Variants in ELN observed in about 807,000 individuals in gnomAD.
The protein encoded by ELN is elastin.
Under a neutral mutation model 105.8 loss-of-function variants are expected in ELN, and 65 were observed. The observed-to-expected ratio is 0.61, with a 90% CI of 0.50 to 0.75. The LOEUF (loss-of-function observed/expected upper bound fraction) is 0.75. Ranked by LOEUF, ELN falls within the 30% of genes least tolerant of loss-of-function variation. The pLI is 0.00. For synonymous variants in ELN, 368 were observed against 389.2 expected (o/e 0.95, Z 0.64); for missense variants, 882 against 969.4 (o/e 0.91, Z 1.20).
intron 29 of ELN, among the ~76,000 whole-genome samples, chr7:74,064,937 G>A (rs1164661341): frequency 2.0e-5 from 3 of 152,072 alleles, no homozygotes; most frequent in Non-Finnish European, 4.4e-5. Context: ...CACAGTAGGA[G>A]CTTAACAATT....
chr7:74,058,241 TC>T (rs1795788040), intron 22 of ELN, among the ~76,000 whole-genome samples: 2 of 110,358 alleles, frequency 1.8e-5, no homozygotes, highest in South Asian at 5.5e-4. Context: ...TTCCTCTTTT[TC>T]TCCTTCTTTC....
At position 74,068,919 on chromosome 7, in the gene ELN, A is replaced by T. The variant is rs1368421244; in HGVS notation, c.*219A>T. The T allele has an allele frequency of 6.4e-5, 39 of 608,746 alleles. No homozygotes were observed. Among genetic ancestry groups the T allele is most frequent in the Non-Finnish European group, 1.1e-4 (37 of 338,162 alleles). 37.7% of individuals were successfully genotyped at this position (608,746 alleles called of 1,614,324 possible). ...GCCCCCTACTTCAGAGGCAAGGGCC[A>T]TGTGGTCCTGGCCCCCCACCCCATC... is the stretch of plus-strand genomic sequence containing the variant. On this transcript the variant is annotated 3_prime_UTR_variant, in exon 33 of 33. Coordinates refer to ENST00000252034, the MANE Select transcript of ELN (RefSeq NM_000501.4).
chr7:74,059,369 G>T (rs777495079), intron 22 of ELN, among the ~76,000 whole-genome samples: 4 of 152,044 alleles, frequency 2.6e-5, no homozygotes, highest in Non-Finnish European at 5.9e-5. Context: ...TCTCCAAGGG[G>T]TCCTTGTCAC....
chr7:74,030,635 T>G (rs918699329), intron 1 of ELN, among the ~76,000 whole-genome samples: 1 of 152,040 alleles, frequency 6.6e-6, no homozygotes, highest in South Asian at 2.1e-4. Flanking sequence ...TGGGCTCAAG[T>G]GATCCTCCCA....
At chr7:74,058,856 A>G (rs1268666102) in intron 22 of ELN, among the ~76,000 whole-genome samples, 8 of 152,188 alleles carry the variant, frequency 5.3e-5, no homozygotes, top group African/African-American at 1.7e-4. Flanking sequence ...AATCTCTAGG[A>G]CTGAATAGGC....
At chr7:74,054,291 A>G (rs1794782770) in intron 18 of ELN, among the ~76,000 whole-genome samples, 1 of 152,056 alleles carries the variant, frequency 6.6e-6, no homozygotes, top group Non-Finnish European at 1.5e-5. Flanking sequence ...AATATGGTGA[A>G]ATCCCATCTC....
chr7:74,068,917 C>A lies in ELN; in HGVS notation c.*217C>A. 1.6e-6 allele frequency: 1 copy of A among 610,654 alleles called. No homozygotes were observed. Among genetic ancestry groups the A allele is most frequent in the East Asian group, 2.8e-5 (1 of 35,256 alleles). 37.8% of individuals were successfully genotyped at this position (610,654 alleles called of 1,614,324 possible). Reference sequence around the variant, plus strand: ...AGGCCCCCTACTTCAGAGGCAAGGGCCATGTGGTCCTGGCCCCCCACCCCA... The same window carrying A: ...AGGCCCCCTACTTCAGAGGCAAGGGACATGTGGTCCTGGCCCCCCACCCCA... On this transcript the variant is annotated 3_prime_UTR_variant, in exon 33 of 33. Coordinates refer to ENST00000252034, the MANE Select transcript of ELN (RefSeq NM_000501.4).
At chr7:74,046,962 T>C (rs542720473) in intron 12 of ELN, among the ~76,000 whole-genome samples, 195 bp downstream of exon 12, 58 of 152,286 alleles carry the variant, frequency 3.8e-4, no homozygotes, top group African/African-American at 1.2e-3. Flanking sequence ...CATAGGCCTA[T>C]AATCCCAGCT....
intron 17 of ELN, 137 bp downstream of exon 17, chr7:74,052,120 C>A: frequency 1.1e-6 from 1 of 923,632 alleles, no homozygotes; most frequent in Non-Finnish European, 1.7e-6. Context: ...ACCTTTGCCC[C>A]TTCTGATCAC....
chr7:74,037,479 CCA>C, intron 3 of ELN, among the ~76,000 whole-genome samples: 1 of 152,338 alleles, frequency 6.6e-6, no homozygotes, highest in Non-Finnish European at 1.5e-5. Context: ...CAGGCGTGAG[CCA>C]CCACCCCCAG....
intron 32 of ELN, among the ~76,000 whole-genome samples, chr7:74,068,090 A>C (rs1554690237): frequency 1.3e-5 from 2 of 152,096 alleles, no homozygotes; most frequent in African/African-American, 4.8e-5. Flanking sequence ...ATGGTGCCTT[A>C]CCTAATACAG....
At chr7:74,043,704 C>A in intron 8 of ELN, 175 bp from the exon 9 acceptor site, 1 of 766,148 alleles carries the variant, frequency 1.3e-6, no homozygotes. Flanking sequence ...TTGCAGATGA[C>A]TTCCGAAACT....
intron 21 of ELN, among the ~76,000 whole-genome samples, chr7:74,057,002 C>T (rs1795388332): frequency 6.6e-6 from 1 of 152,010 alleles, no homozygotes; most frequent in Non-Finnish European, 1.5e-5. Context: ...CTTTGGGAGG[C>T]CAAGGCAGGT....
rs797042458 is a variant in ELN, at chr7:74,037,006, A to G, written c.163+422A>G. On this transcript the variant is annotated intron_variant, in intron 3 of 32. Transcript: ENST00000252034. ...CAGCTTATTTTTGTATTTTTTCTAG[A>G]GACAGGGTTTCATCATGTTGGCCAG... Among the ~76,000 whole-genome samples the G allele has an allele frequency of 1.1e-4, 16 of 151,660 alleles. 1 individual carries two copies. Among genetic ancestry groups the G allele is most frequent in the African/African-American group, 3.9e-4 (16 of 41,330 alleles).
intron 15 of ELN, among the ~76,000 whole-genome samples, chr7:74,049,027 T>G (rs1405436259): frequency 4.2e-5 from 6 of 142,310 alleles, no homozygotes; most frequent in Non-Finnish European, 7.6e-5. Flanking sequence ...ATCCACTCAT[T>G]CATCCATCCA....
chr7:74,058,594 G>A (rs189823246), intron 22 of ELN, among the ~76,000 whole-genome samples: 53 of 152,184 alleles, frequency 3.5e-4, no homozygotes, highest in Non-Finnish European at 5.7e-4. Flanking sequence ...AGGCTAAAGC[G>A]ATCCTCCTGC....
chr7:74,048,143 C>T lies in ELN; in HGVS notation c.687C>T (p.Gly229=). 4 of 1,614,020 alleles carry T rather than the reference C, an allele frequency of 2.5e-6. No individual in the cohort carries two copies. Among genetic ancestry groups the T allele is most frequent in the Non-Finnish European group, 2.5e-6 (3 of 1,179,972 alleles). ...CCATCAAGCCTCTCTGTTTTGCAGG[C>T]TATGGGCCCGGAGGAGTGGCTGGTG... ...LPYTTGKLPY[G]YGPGGVAGAA... The change falls in exon 14 of 33, where the codon GGC becomes GGT. Residue 229 remains glycine (G), a splice_region_variant and synonymous_variant. Transcript: ENST00000252034.
At position 74,030,160 on chromosome 7, in the gene ELN, G is replaced by A. The variant is rs1286048354; in HGVS notation, c.82+1891G>A. 5.3e-5 allele frequency among the ~76,000 whole-genome samples: 8 copies of A among 152,228 alleles called. No homozygotes were observed. In the East Asian group the frequency reaches 5.8e-4, roughly 11 times the overall value. On this transcript the variant is annotated intron_variant, in intron 1 of 32. Coordinates refer to ENST00000252034, the MANE Select transcript of ELN (RefSeq NM_000501.4). ...AAGGGGTGTGTGAACTGATGAGCTC[G>A]TGTGGGGTTTTGCACAGAAGTGCTA...
At chr7:74,048,260 G>A in intron 14 of ELN, 59 bp downstream of exon 14, 2 of 1,610,428 alleles carry the variant, frequency 1.2e-6, no homozygotes, top group South Asian at 2.2e-5. Flanking sequence ...AGGCTCCAGA[G>A]CCCTGGGGTG....
Sources: allele counts gnomAD v4.1 joint callset (sites outside exome capture counted in the v4.1 genomes callset), GRCh38; gene constraint gnomAD v4.1.1; transcripts MANE v1.5; gene names NCBI Gene and HGNC (gene_info 2026-07-23, HGNC 2026-07-21).